Variants in BAIAP2L1 observed in about 807,000 individuals in gnomAD.
The protein encoded by BAIAP2L1 is BAR/IMD domain containing adaptor protein 2 like 1.
A neutral mutation model predicts 66.3 loss-of-function variants in BAIAP2L1; 35 were observed. The ratio of observed to expected loss-of-function variants is 0.53; its 90% CI spans 0.40 to 0.70. BAIAP2L1 has a LOEUF of 0.70. BAIAP2L1 is among the 30% of genes least tolerant of loss of function. The pLI is 0.00. For synonymous variants in BAIAP2L1, 269 were observed against 248.7 expected (o/e 1.08, Z -0.77); for missense variants, 622 against 656.9 (o/e 0.95, Z 0.58).
intron 3 of BAIAP2L1, among the ~76,000 whole-genome samples, chr7:98,335,974 A>G (rs1562977589): frequency 6.6e-6 from 1 of 152,252 alleles, no homozygotes; most frequent in Non-Finnish European, 1.5e-5. Context: ...CTCCTTAAAA[A>G]GGGAAATCAT....
chr7:98,306,627 G>A (rs1479639817), intron 10 of BAIAP2L1, 111 bp from the exon 11 acceptor site: 9 of 1,481,228 alleles, frequency 6.1e-6, no homozygotes, highest in Middle Eastern at 1.8e-4. Flanking sequence ...CTCCAGAAAC[G>A]CCCATGTGTG....
chr7:98,315,391 G>A lies in BAIAP2L1; in HGVS notation c.639+69C>T, dbSNP rs1199269369. 3.8e-6 allele frequency: 5 copies of A among 1,302,128 alleles called. No homozygotes were observed. In the Admixed American group the frequency reaches 1.5e-4, roughly 39 times the overall value. The allele number at this position is 1,302,128 out of a possible 1,614,324, so 80.7% of individuals were successfully genotyped here. A position where few individuals can be genotyped will look rare whatever the true frequency, so the allele number is the denominator to read the frequency against. On this transcript the variant is annotated intron_variant, in intron 7 of 13. Transcript: ENST00000005260. ...GATTACAGGCGTGGGCCACGGCCCA[G>A]CCTTCTGGGGCATTTAAATATGAAA...
At chr7:98,380,964 C>T (rs1377954877) in intron 1 of BAIAP2L1, among the ~76,000 whole-genome samples, 2 of 152,002 alleles carry the variant, frequency 1.3e-5, no homozygotes, top group Admixed American at 6.6e-5. Context: ...CAGCACAGCC[C>T]AGCATACTGA....
intron 7 of BAIAP2L1, among the ~76,000 whole-genome samples, chr7:98,315,007 A>G (rs1368047809): frequency 6.6e-6 from 1 of 152,214 alleles, no homozygotes; most frequent in Non-Finnish European, 1.5e-5. Flanking sequence ...CTATAAGTTT[A>G]TATGTTCAAG....
intron 12 of BAIAP2L1, among the ~76,000 whole-genome samples, chr7:98,302,971 A>G (rs1322200600): frequency 1.3e-5 from 2 of 152,074 alleles, no homozygotes; most frequent in African/African-American, 4.8e-5. Flanking sequence ...TTTTTTGTCT[A>G]CATAGGGTTT....
At chr7:98,337,067 T>C (rs1801631758) in intron 3 of BAIAP2L1, among the ~76,000 whole-genome samples, 1 of 152,172 alleles carries the variant, frequency 6.6e-6, no homozygotes, top group Non-Finnish European at 1.5e-5. Flanking sequence ...TTAATGCTAA[T>C]AAAATTCATT....
At chr7:98,376,180 C>T (rs1338730096) in intron 1 of BAIAP2L1, among the ~76,000 whole-genome samples, 1 of 152,086 alleles carries the variant, frequency 6.6e-6, no homozygotes, top group East Asian at 1.9e-4. Context: ...TAAGTGTCCA[C>T]GTAGCAAAGC....
chr7:98,348,109 A>T (rs1316158474), intron 3 of BAIAP2L1, among the ~76,000 whole-genome samples: 1 of 152,096 alleles, frequency 6.6e-6, no homozygotes, highest in East Asian at 1.9e-4. Context: ...CACGTTCTTC[A>T]CATGTATCCC....
chr7:98,361,274 T>C (rs533046724), intron 2 of BAIAP2L1, among the ~76,000 whole-genome samples: 46 of 152,022 alleles, frequency 3.0e-4, no homozygotes, highest in Admixed American at 4.6e-4. Context: ...GAAGAATCGC[T>C]TGAGCCTGGG....
At position 98,292,288 on chromosome 7, in the gene BAIAP2L1, T is replaced by G. The variant is rs948888714; in HGVS notation, c.*1233A>C. 6.5e-6 allele frequency: 2 copies of G among 308,554 alleles called. No homozygotes were observed. The highest frequency in any genetic ancestry group is 1.3e-5 in the Non-Finnish European group (2 of 159,712). The allele number at this position is 308,554 out of a possible 1,614,324, so 19.1% of individuals were successfully genotyped here. ...GCCGGGCTGGAGTGCAGCAGCATGA[T>G]CTGGCTCACTGCAACCTCTGCCTCC... On this transcript the variant is annotated 3_prime_UTR_variant, in exon 14 of 14. Transcript: ENST00000005260.
chr7:98,392,064 G>A (rs1480447650), intron 1 of BAIAP2L1, among the ~76,000 whole-genome samples: 3 of 151,672 alleles, frequency 2.0e-5, no homozygotes, highest in South Asian at 2.1e-4. Flanking sequence ...AGCTGGGAAC[G>A]ACGGTGCACG....
In BAIAP2L1 at chr7:98,363,027, C is replaced by CTTTTT. The variant is rs71537235; in HGVS notation, c.52-600_52-596dup. Among the ~76,000 whole-genome samples the CTTTTT allele has an allele frequency of 6.9e-4, 52 of 75,564 alleles. 1 individual carries two copies. Among genetic ancestry groups the CTTTTT allele is most frequent in the Middle Eastern group, 0.011 (1 of 88 alleles). The allele number at this position is 75,564 out of a possible 152,430, so 49.6% of individuals were successfully genotyped here. A position where few individuals can be genotyped will look rare whatever the true frequency, so the allele number is the denominator to read the frequency against. ...CTTCTGGATGTCCCTGGCATTTTTT[C>CTTTTT]TTTTTTTTTTTTTTTTTTTTTTTTT... On this transcript the variant is annotated intron_variant, in intron 1 of 13. Transcript: ENST00000005260.
chr7:98,340,573 C>T (rs1215910679), intron 3 of BAIAP2L1, among the ~76,000 whole-genome samples: 1 of 152,148 alleles, frequency 6.6e-6, no homozygotes, highest in Non-Finnish European at 1.5e-5. Flanking sequence ...AGGCATGAGC[C>T]ACCACGCCCG....
chr7:98,327,079 G>T (rs528375926), intron 3 of BAIAP2L1, among the ~76,000 whole-genome samples: 1 of 152,158 alleles, frequency 6.6e-6, no homozygotes, highest in Admixed American at 6.6e-5. Flanking sequence ...TGAGGATCCC[G>T]GCCAGGCGCG....
rs562386604 is a variant in BAIAP2L1, at chr7:98,394,174, C to T, written c.51+6628G>A. On this transcript the variant is annotated intron_variant, in intron 1 of 13. Transcript: ENST00000005260. ...AGGAGAATGGCATGAACCCAGGAGG[C>T]GGAGCTTGCAGTGAGCAGAGATCTC... is the stretch of plus-strand genomic sequence containing the variant. 7.2e-5 allele frequency among the ~76,000 whole-genome samples: 11 copies of T among 152,160 alleles called. No individual in the cohort carries two copies. The East Asian group carries it at 1.6e-3, about 21-fold the overall frequency.
chr7:98,340,222 A>G (rs1801708563), intron 3 of BAIAP2L1, among the ~76,000 whole-genome samples: 1 of 152,220 alleles, frequency 6.6e-6, no homozygotes, highest in South Asian at 2.1e-4. Flanking sequence ...CCAGTGAGCA[A>G]TCTGGAAGCA....
At chr7:98,356,473 A>G (rs1802119659) in intron 2 of BAIAP2L1, among the ~76,000 whole-genome samples, 1 of 152,014 alleles carries the variant, frequency 6.6e-6, no homozygotes, top group Non-Finnish European at 1.5e-5. Context: ...ATAATGGGCA[A>G]TTGTTTTAAC....
At chr7:98,302,740 T>C (rs1011744012) in intron 12 of BAIAP2L1, among the ~76,000 whole-genome samples, 12 of 152,330 alleles carry the variant, frequency 7.9e-5, no homozygotes, top group South Asian at 2.1e-4. Context: ...CCACCAATTA[T>C]AATGTATGGA....
chr7:98,333,862 C>T (rs1752654298), intron 3 of BAIAP2L1, among the ~76,000 whole-genome samples: 2 of 151,960 alleles, frequency 1.3e-5, no homozygotes, highest in East Asian at 1.9e-4. Context: ...TGCCAAGGCT[C>T]ATGTGTGGAA....
Sources: gnomAD v4.1 joint callset for allele counts (sites outside exome capture counted in the v4.1 genomes callset) on GRCh38, gnomAD v4.1.1 for gene constraint, MANE v1.5 for transcripts, NCBI Gene and HGNC (gene_info 2026-07-23, HGNC 2026-07-21) for gene names.